ZC3H12B: variants seen among roughly 807,000 people sequenced by gnomAD.
The protein encoded by ZC3H12B is zinc finger CCCH-type containing 12B.
In ZC3H12B, 7 loss-of-function variants were observed where a neutral mutation model predicts 43.9. That is an observed-to-expected ratio of 0.16 (90% CI 0.09 to 0.30). ZC3H12B has a LOEUF of 0.30. Among genes scored for constraint, ZC3H12B ranks in the 10% least tolerant of loss-of-function variants. ZC3H12B has a pLI of 1.00. For synonymous variants in ZC3H12B, 222 were observed against 241.7 expected, an observed-to-expected ratio of 0.92 and a Z score of 0.76; for missense variants, 475 against 670.2, an observed-to-expected ratio of 0.71 and a Z score of 3.22.
rs1158285090 is a variant in ZC3H12B at position 65,448,979 on chromosome X, G to GAAAAAGAAAGAAAGAAAGAAAGAAAGAA, written n.408-39666_408-39665insAAAAGAAAGAAAGAAAGAAAGAAAGAAA. Among the ~76,000 whole-genome samples, 71 of 21,668 alleles carry GAAAAAGAAAGAAAGAAAGAAAGAAAGAA rather than the reference G, an allele frequency of 3.3e-3. 1 individual carries two copies. The highest frequency in any genetic ancestry group is 5.9e-3 in the Admixed American group (6 of 1,022). 18.8% of individuals were successfully genotyped at this position (21,668 alleles called of 115,157 possible). A position where few individuals can be genotyped will look rare whatever the true frequency, so the allele number is the denominator to read the frequency against. ...AAAAAGAAAGAAAGAAAGAAAGAAA[G>GAAAAAGAAAGAAAGAAAGAAAGAAAGAA]AGAAAGAAAGAAAGAGAGGAAAGAA... On this transcript the variant is annotated intron_variant and non_coding_transcript_variant, in intron 3 of 5. Coordinates refer to the ZC3H12B transcript ENST00000617377.
chrX:65,213,811 G>A, the ZC3H12B span, among the ~76,000 whole-genome samples: 11 of 108,778 alleles, frequency 1.0e-4, no homozygotes, highest in African/African-American at 3.7e-4. Flanking sequence ...TAGGGATATT[G>A]CAGGTTTGGT....
intron 3 of ZC3H12B, among the ~76,000 whole-genome samples, chrX:65,446,599 C>A (rs2067380103): frequency 8.9e-6 from 1 of 111,994 alleles, no homozygotes; most frequent in Non-Finnish European, 1.9e-5. Flanking sequence ...TGGATAAATT[C>A]TGTCCTGTGT....
chrX:65,367,475 A>G (rs2066188504), intron 1 of ZC3H12B, among the ~76,000 whole-genome samples: 1 of 111,683 alleles, frequency 9.0e-6, no homozygotes. Context: ...AAAGCTACAT[A>G]CCATTTTTTT....
the ZC3H12B span, among the ~76,000 whole-genome samples, chrX:65,248,724 G>A: frequency 4.5e-5 from 5 of 111,781 alleles, no homozygotes; most frequent in Admixed American, 1.9e-4. Flanking sequence ...CCTGTTCACC[G>A]CACCCATGCC....
At chrX:65,157,512 T>A in the ZC3H12B span, among the ~76,000 whole-genome samples, 4 of 111,939 alleles carry the variant, frequency 3.6e-5, no homozygotes, top group Non-Finnish European at 5.6e-5. Context: ...TTAATATAGC[T>A]ACACCAGCTT....
the ZC3H12B span, among the ~76,000 whole-genome samples, chrX:65,205,716 A>G: frequency 9.0e-6 from 1 of 111,567 alleles, no homozygotes; most frequent in South Asian, 3.8e-4. Context: ...GTTGGTAAGG[A>G]GGAAGTCAAA....
At chrX:65,228,282 C>T in the ZC3H12B span, among the ~76,000 whole-genome samples, 1 of 111,799 alleles carries the variant, frequency 8.9e-6, no homozygotes, top group Non-Finnish European at 1.9e-5. Flanking sequence ...AAGACAAAAA[C>T]CACCTGGTTA....
the ZC3H12B span, among the ~76,000 whole-genome samples, chrX:65,230,287 G>A: frequency 1.2e-4 from 13 of 109,706 alleles, no homozygotes; most frequent in African/African-American, 6.6e-5. Context: ...TTGCAAGAAC[G>A]AGAAACCAAA....
At chrX:65,050,811 T>C in the ZC3H12B span, among the ~76,000 whole-genome samples, 4 of 111,913 alleles carry the variant, frequency 3.6e-5, no homozygotes, top group East Asian at 1.1e-3. Flanking sequence ...AATATGCTGT[T>C]GAATTTGACT....
chrX:65,360,422 T>C, the ZC3H12B span, among the ~76,000 whole-genome samples: 1 of 112,269 alleles, frequency 8.9e-6, no homozygotes, highest in South Asian at 3.7e-4. Context: ...ATAAAAGAGA[T>C]AGCAATAGCA....
chrX:65,267,054 G>A, the ZC3H12B span, among the ~76,000 whole-genome samples: 7 of 110,539 alleles, frequency 6.3e-5, no homozygotes, highest in African/African-American at 2.3e-4. Flanking sequence ...AAGACACTAA[G>A]CTTTCACCTC....
chrX:65,373,984 C>CTG (rs2066298682), intron 2 of ZC3H12B, among the ~76,000 whole-genome samples: 1 of 6,130 alleles, frequency 1.6e-4, no homozygotes, highest in Non-Finnish European at 3.8e-4. Context: ...TATATATATA[C>CTG]TATATATATA....
At chrX:65,496,318 T>A (rs1413812207) in intron 1 of ZC3H12B, among the ~76,000 whole-genome samples, 1 of 112,283 alleles carries the variant, frequency 8.9e-6, no homozygotes, top group Non-Finnish European at 1.9e-5. Flanking sequence ...GCATATCTTT[T>A]TTGCTGTCGA....
At chrX:65,442,164 G>A (rs569531467) in intron 3 of ZC3H12B, among the ~76,000 whole-genome samples, 2 of 108,858 alleles carry the variant, frequency 1.8e-5, no homozygotes, top group East Asian at 2.9e-4. Context: ...CAACAAGGTA[G>A]CATTATACAG....
chrX:65,227,937 C>T, the ZC3H12B span, among the ~76,000 whole-genome samples: 2 of 111,560 alleles, frequency 1.8e-5, no homozygotes, highest in South Asian at 3.7e-4. Context: ...GATTCACAGC[C>T]GAATTCTACC....
chrX:65,317,701 C>T, the ZC3H12B span, among the ~76,000 whole-genome samples: 214 of 105,917 alleles, frequency 2.0e-3, no homozygotes, highest in African/African-American at 6.9e-3. Context: ...GCTGCCAATG[C>T]TATTATTTCA....
chrX:65,394,639 G>T (rs1049762868), intron 2 of ZC3H12B, among the ~76,000 whole-genome samples: 4 of 111,661 alleles, frequency 3.6e-5, no homozygotes, highest in African/African-American at 1.3e-4. Context: ...GTAGCCTAAT[G>T]CCTCTAGCTT....
At chrX:65,281,373 T>C in the ZC3H12B span, among the ~76,000 whole-genome samples, 1 of 110,205 alleles carries the variant, frequency 9.1e-6, no homozygotes, top group African/African-American at 3.3e-5. Flanking sequence ...CAGCTGGGAT[T>C]ACAGGTGTGA....
the ZC3H12B span, among the ~76,000 whole-genome samples, chrX:65,217,148 G>A: frequency 8.9e-6 from 1 of 111,914 alleles, no homozygotes; most frequent in Non-Finnish European, 1.9e-5. Context: ...GCAAAACTTT[G>A]TCTGGGAACC....
Sources: allele counts gnomAD v4.1 joint callset (sites outside exome capture counted in the v4.1 genomes callset), GRCh38; gene constraint gnomAD v4.1.1; transcripts MANE v1.5; gene names NCBI Gene and HGNC (gene_info 2026-07-23, HGNC 2026-07-21).